CCDC88A: variants seen among roughly 807,000 people sequenced by gnomAD.
CCDC88A encodes the protein coiled-coil and HOOK domain protein 88A.
A neutral mutation model predicts 234.3 loss-of-function variants in CCDC88A; 54 were observed. That is an observed-to-expected ratio of 0.23 (90% CI 0.19 to 0.29). The LOEUF (loss-of-function observed/expected upper bound fraction) is 0.29. Among genes scored for constraint, CCDC88A ranks in the 10% least tolerant of loss-of-function variants. The pLI, the probability that CCDC88A is intolerant of heterozygous loss-of-function variation, is 1.00. For missense variants in CCDC88A, 1,832 were observed against 2,123.4 expected (o/e 0.86, Z 2.70); for synonymous variants, 753 against 737.8 (o/e 1.02, Z -0.33).
intron 18 of CCDC88A, among the ~76,000 whole-genome samples, chr2:55,320,492 T>C (rs6748541): frequency 0.071 from 10,788 of 152,150 alleles, 1,217 homozygotes; most frequent in African/African-American, 0.24. Context: ...TAAAATATGA[T>C]ATGAAGTAAT....
In CCDC88A at chr2:55,295,741, G is replaced by A; in HGVS notation, c.5407C>T (p.Pro1803Ser). ...SKDSNPYATL[P>S]RASSVISTAE... ...GTTGAGATCACGCTGCTTGCACGAG[G>A]TAAAGTTGCATAAGGGTTACTATCT... Residue 1803 changes from proline (P) to serine (S), a missense_variant, in exon 31 of 33, where the codon CCT becomes TCT. Coordinates refer to ENST00000436346, the MANE Select transcript of CCDC88A (RefSeq NM_001365480.1). 1 of 1,614,198 alleles carries A rather than the reference G, an allele frequency of 6.2e-7. No individual in the cohort carries two copies. Among genetic ancestry groups the A allele is most frequent in the Non-Finnish European group, 8.5e-7 (1 of 1,180,032 alleles).
chr2:55,318,824 C>A lies in CCDC88A; in HGVS notation c.3324+19G>T. ...ATTCAAGAGTTTGGTTGCATATTCC[C>A]AAAATATTATATTACAACCTGAAGC... On this transcript the variant is annotated intron_variant, in intron 19 of 32. Transcript: ENST00000436346. 6.5e-7 allele frequency: 1 copy of A among 1,545,666 alleles called. No homozygotes were observed.
At chr2:55,326,480 AG>A (rs1684279844) in intron 17 of CCDC88A, among the ~76,000 whole-genome samples, 1 of 152,370 alleles carries the variant, frequency 6.6e-6, no homozygotes, top group East Asian at 1.9e-4. Context: ...TAGTATTAAA[AG>A]TTTATAACAA....
chr2:55,381,847 A>G (rs945213991), intron 3 of CCDC88A, among the ~76,000 whole-genome samples: 5 of 152,204 alleles, frequency 3.3e-5, no homozygotes, highest in Non-Finnish European at 1.5e-5. Context: ...CTAAAACTGC[A>G]TAATTCTACA....
intron 17 of CCDC88A, among the ~76,000 whole-genome samples, chr2:55,327,452 C>T (rs1684413262): frequency 6.6e-6 from 1 of 152,178 alleles, no homozygotes; most frequent in Non-Finnish European, 1.5e-5. Flanking sequence ...AAAGCTCCCG[C>T]ACACACCCAG....
intron 22 of CCDC88A, chr2:55,312,930 CA>C: frequency 5.8e-6 from 1 of 171,702 alleles, no homozygotes; most frequent in Non-Finnish European, 1.3e-5. Context: ...AAATGTTAGA[CA>C]AGTAAGTTCT....
intron 3 of CCDC88A, among the ~76,000 whole-genome samples, chr2:55,383,949 C>A (rs982692830): frequency 6.6e-6 from 1 of 151,838 alleles, no homozygotes; most frequent in African/African-American, 2.4e-5. Flanking sequence ...TTGGTTGGTG[C>A]GAAAGTAATT....
At chr2:55,327,563 T>A (rs185423185) in intron 17 of CCDC88A, among the ~76,000 whole-genome samples, 1 of 152,316 alleles carries the variant, frequency 6.6e-6, no homozygotes, top group Admixed American at 6.5e-5. Flanking sequence ...CTATTTGTAT[T>A]TCTTATAGTG....
In CCDC88A at chr2:55,362,315, T is replaced by C. The variant is rs918058596; in HGVS notation, c.620A>G (p.His207Arg). 1.3e-6 allele frequency: 2 copies of C among 1,576,634 alleles called. No homozygotes were observed. Among genetic ancestry groups the C allele is most frequent in the Non-Finnish European group, 1.7e-6 (2 of 1,167,554 alleles). Residue 207 changes from histidine (H) to arginine (R), a missense_variant, in exon 7 of 33, where the codon CAT (histidine) becomes CGT (arginine). This residue lies in a region of CCDC88A where 1,282 missense variants were observed against 1,543.6 expected (regional missense o/e 0.83). Transcript: ENST00000436346. The stretch of plus-strand genomic sequence containing the variant: ...TGAAAGAATTTTACAAACCTCTGAA[T>C]GTTCATCTCTCTCATCTATAAGTCT... Reference protein sequence around the residue: ...LKRLIDERDEHSETIIELSEE... With the variant: ...LKRLIDERDERSETIIELSEE...
At chr2:55,393,205 G>A (rs1676931783) in intron 2 of CCDC88A, among the ~76,000 whole-genome samples, 1 of 141,940 alleles carries the variant, frequency 7.0e-6, no homozygotes, top group African/African-American at 2.6e-5. Context: ...TTGTTGCTTT[G>A]TGAAATGGAT....
At chr2:55,371,462 A>C (rs991301095) in intron 5 of CCDC88A, among the ~76,000 whole-genome samples, 41 of 152,352 alleles carry the variant, frequency 2.7e-4, no homozygotes, top group African/African-American at 9.9e-4. Flanking sequence ...GACAGTTTAA[A>C]ATGACACTGT....
intron 7 of CCDC88A, among the ~76,000 whole-genome samples, chr2:55,360,953 G>A (rs995066816): frequency 3.3e-5 from 5 of 152,166 alleles, no homozygotes; most frequent in Non-Finnish European, 7.3e-5. Flanking sequence ...GCCATGCGTG[G>A]TGGCGCGTGC....
chr2:55,413,344 A>C (rs1268664638), intron 2 of CCDC88A, among the ~76,000 whole-genome samples: 1 of 152,210 alleles, frequency 6.6e-6, no homozygotes, highest in Non-Finnish European at 1.5e-5. Flanking sequence ...GTGGGTCAAC[A>C]AAACAGAAAA....
chr2:55,323,370 T>C (rs1180544052), intron 17 of CCDC88A: 3 of 152,242 alleles, frequency 2.0e-5, no homozygotes, highest in African/African-American at 4.8e-5. Flanking sequence ...AGAAATGTTT[T>C]ATAGTTCAAC....
chr2:55,309,658 G>A lies in CCDC88A; in HGVS notation c.4080-404C>T, dbSNP rs546963713. 1.3e-5 allele frequency among the ~76,000 whole-genome samples: 2 copies of A among 152,022 alleles called. No homozygotes were observed. Among genetic ancestry groups the A allele is most frequent in the Non-Finnish European group, 2.9e-5 (2 of 68,006 alleles). On this transcript the variant is annotated intron_variant, in intron 23 of 32. Coordinates refer to ENST00000436346, the MANE Select transcript of CCDC88A (RefSeq NM_001365480.1). The surrounding 1 kb of genome is among the most constrained non-coding windows in gnomAD (Gnocchi z 5.1). ...TGACTCCAGCAATGCATGAGTCATC[G>A]CATCCTAGTCTCATTGTTATATTCT...
chr2:55,295,510 T>C (rs546688615), intron 31 of CCDC88A, 87 bp downstream of exon 31: 17 of 1,610,528 alleles, frequency 1.1e-5, no homozygotes, highest in Admixed American at 5.1e-5. Context: ...GGCATGTCTA[T>C]AGCTAAATCA....
At chr2:55,363,538 T>C (rs1671580577) in intron 6 of CCDC88A, 1 of 153,084 alleles carries the variant, frequency 6.5e-6, no homozygotes, top group Non-Finnish European at 1.5e-5. Context: ...ATTCAAGTAA[T>C]ATCTTTAATA....
At chr2:55,369,179 T>A (rs977112426) in intron 5 of CCDC88A, among the ~76,000 whole-genome samples, 2 of 152,050 alleles carry the variant, frequency 1.3e-5, no homozygotes, top group South Asian at 4.2e-4. Flanking sequence ...GGATTACAGA[T>A]GCCCACTACC....
At chr2:55,319,426 T>C (rs778969029) in intron 18 of CCDC88A, among the ~76,000 whole-genome samples, 1 of 152,174 alleles carries the variant, frequency 6.6e-6, no homozygotes, top group Admixed American at 6.5e-5. Context: ...AAGGCAAATA[T>C]ATACCTAAGT....
Sources: gnomAD v4.1 joint callset for allele counts (sites outside exome capture counted in the v4.1 genomes callset) on GRCh38, gnomAD v4.1.1 for gene constraint, gnomAD v4.1.1 regional missense constraint, Gnocchi (gnomAD v3.1) non-coding constraint, MANE v1.5 for transcripts, NCBI Gene and HGNC (gene_info 2026-07-23, HGNC 2026-07-21) for gene names.